Variants in PIN4 observed in about 807,000 individuals in gnomAD.
PIN4 encodes the protein peptidylprolyl cis/trans isomerase, NIMA-interacting 4.
A neutral mutation model predicts 8.3 loss-of-function variants in PIN4; 3 were observed. The ratio of observed to expected loss-of-function variants is 0.36; its 90% CI spans 0.16 to 0.93. PIN4 has a LOEUF of 0.93. Among genes scored for constraint, PIN4 ranks in the 40% least tolerant of loss-of-function variants. The pLI is 0.44. For synonymous variants in PIN4, 18 were observed against 32.5 expected (o/e 0.55, Z 1.52); for missense variants, 75 against 100.6 (o/e 0.75, Z 1.09).
chrX:72,235,876 G>C (rs1006837735), intron 3 of PIN4, among the ~76,000 whole-genome samples: 1 of 111,742 alleles, frequency 8.9e-6, no homozygotes, highest in Non-Finnish European at 1.9e-5. Context: ...CTTACCATAC[G>C]AAGGCTATGG....
At chrX:72,221,358 G>A (rs2042922120) in intron 3 of PIN4, among the ~76,000 whole-genome samples, 2 of 111,933 alleles carry the variant, frequency 1.8e-5, no homozygotes, top group African/African-American at 6.5e-5. Context: ...GGACCAGCAG[G>A]ACTAAAAAGC....
chrX:72,248,291 GAAAAAAAAAAAAAAAAAAAAAAA>G (rs55908553), intron 3 of PIN4, among the ~76,000 whole-genome samples: 33 of 54,902 alleles, frequency 6.0e-4, no homozygotes, highest in Middle Eastern at 0.011. Flanking sequence ...GCTCCATCCA[GAAAAAAAAAAAAAAAAAAAAAAA>G]AAAAAAAAAA....
At chrX:72,205,582 G>A in intron 3 of PIN4, 1 of 1,211,176 alleles carries the variant, frequency 8.3e-7, no homozygotes, top group Non-Finnish European at 1.1e-6. Context: ...TTTGGGAGTT[G>A]AAGCATCAAA....
At chrX:72,217,985 T>C (rs888300523) in intron 3 of PIN4, among the ~76,000 whole-genome samples, 3 of 111,643 alleles carry the variant, frequency 2.7e-5, no homozygotes, top group Non-Finnish European at 5.6e-5. Flanking sequence ...ATAATAGAGA[T>C]GGGGGCCGGG....
chrX:72,253,603 C>T (rs778231942), intron 3 of PIN4, among the ~76,000 whole-genome samples: 13 of 109,712 alleles, frequency 1.2e-4, no homozygotes, highest in African/African-American at 4.0e-4. Flanking sequence ...CCAGCCTGGG[C>T]GACAGAGCAA....
At chrX:72,214,684 A>C (rs925412335) in intron 3 of PIN4, among the ~76,000 whole-genome samples, 21 of 107,111 alleles carry the variant, frequency 2.0e-4, no homozygotes, top group Non-Finnish European at 3.3e-4. Flanking sequence ...AAAAAAAAAA[A>C]AAAAACAAAA....
At chrX:72,229,483 T>C (rs757661767) in intron 3 of PIN4, among the ~76,000 whole-genome samples, 4 of 111,951 alleles carry the variant, frequency 3.6e-5, no homozygotes, top group Non-Finnish European at 7.5e-5. Context: ...GGTGTCTCCC[T>C]GGCCTCCTCC....
chrX:72,210,643 G>C (rs767730646), intron 3 of PIN4, among the ~76,000 whole-genome samples: 1 of 111,341 alleles, frequency 9.0e-6, no homozygotes, highest in East Asian at 2.8e-4. Context: ...CTCTGGGCCA[G>C]AGTCCCCACT....
At chrX:72,207,217 T>C (rs2042825486) in intron 3 of PIN4, 1 of 1,211,676 alleles carries the variant, frequency 8.3e-7, no homozygotes, top group Non-Finnish European at 1.1e-6. Flanking sequence ...AATTCTTTTT[T>C]CTCGTTCCAA....
intron 3 of PIN4, chrX:72,206,503 G>A: frequency 8.3e-7 from 1 of 1,211,565 alleles, no homozygotes; most frequent in Non-Finnish European, 1.1e-6. Context: ...TAGAAGAGGT[G>A]AAGGCTGAGG....
intron 3 of PIN4, among the ~76,000 whole-genome samples, chrX:72,209,580 C>G (rs960482327): frequency 9.0e-6 from 1 of 111,560 alleles, no homozygotes; most frequent in Non-Finnish European, 1.9e-5. Context: ...CCAAGTCCTA[C>G]TAACTTTATT....
chrX:72,224,639 G>A (rs759762397), intron 3 of PIN4, among the ~76,000 whole-genome samples: 19 of 111,101 alleles, frequency 1.7e-4, no homozygotes, highest in Admixed American at 2.9e-4. Context: ...CCAGCTACTC[G>A]GAGGCTGAGG....
At chrX:72,183,810 G>A (rs2042685300) in intron 1 of PIN4, among the ~76,000 whole-genome samples, 1 of 111,679 alleles carries the variant, frequency 9.0e-6, no homozygotes, top group African/African-American at 3.3e-5. Flanking sequence ...AGAGGTAAAG[G>A]TACAGAAGAG....
At chrX:72,229,011 G>A (rs973326711) in intron 3 of PIN4, among the ~76,000 whole-genome samples, 1 of 111,036 alleles carries the variant, frequency 9.0e-6, no homozygotes, top group African/African-American at 3.3e-5. Context: ...TGAAAGAGCT[G>A]ACACCCTGGT....
chrX:72,205,874 G>C (rs2042815847), intron 3 of PIN4: 2 of 1,211,482 alleles, frequency 1.7e-6, no homozygotes, highest in East Asian at 5.9e-5. Context: ...GAAAAATTTT[G>C]TCTGTTGTCT....
At chrX:72,238,251 C>A (rs1191386429) in intron 3 of PIN4, among the ~76,000 whole-genome samples, 1 of 111,503 alleles carries the variant, frequency 9.0e-6, no homozygotes, top group African/African-American at 3.3e-5. Flanking sequence ...AATTTAAATT[C>A]TCATCCCAAC....
At chrX:72,219,847 CAAA>C (rs55860938) in intron 3 of PIN4, among the ~76,000 whole-genome samples, 3 of 64,973 alleles carry the variant, frequency 4.6e-5, no homozygotes, top group Non-Finnish European at 3.1e-5. Flanking sequence ...GACTCCGTCT[CAAA>C]AAAAAAAAAA....
chrX:72,238,217 G>A (rs946350027), intron 3 of PIN4, among the ~76,000 whole-genome samples: 21 of 111,859 alleles, frequency 1.9e-4, no homozygotes, highest in South Asian at 3.7e-4. Context: ...TATGTTATGT[G>A]TACTTTACCA....
chrX:72,251,977 T>C (rs757510327), intron 3 of PIN4, among the ~76,000 whole-genome samples: 1 of 111,088 alleles, frequency 9.0e-6, no homozygotes, highest in African/African-American at 3.3e-5. Context: ...CAAACGAACA[T>C]TTATTTCTCA....
Sources: gnomAD v4.1 joint callset for allele counts (sites outside exome capture counted in the v4.1 genomes callset) on GRCh38, gnomAD v4.1.1 for gene constraint, MANE v1.5 for transcripts, NCBI Gene and HGNC (gene_info 2026-07-23, HGNC 2026-07-21) for gene names.